Variants in EPB41 observed in about 807,000 individuals in gnomAD.
EPB41 encodes erythrocyte membrane protein band 4.1, also known as protein 4.1.
A neutral mutation model predicts 108.0 loss-of-function variants in EPB41; 65 were observed. That is an observed-to-expected ratio of 0.60 (90% confidence interval 0.49 to 0.74). The LOEUF (loss-of-function observed/expected upper bound fraction) is 0.74, where lower values mean the gene tolerates loss of function less well. Among genes scored for constraint, EPB41 ranks in the 30% least tolerant of loss-of-function variants. The pLI, the probability that EPB41 is intolerant of heterozygous loss-of-function variation, is 0.00. For synonymous variants in EPB41, 336 were observed against 358.9 expected (o/e 0.94, Z 0.72); for missense variants, 875 against 1,037.0 (o/e 0.84, Z 2.15).
At chr1:29,060,112 C>T (rs529551134) in intron 14 of EPB41, among the ~76,000 whole-genome samples, 2 of 152,128 alleles carry the variant, frequency 1.3e-5, no homozygotes, top group Admixed American at 1.3e-4. Context: ...TTAAGGTAAC[C>T]CTCAAACAGT....
At chr1:28,994,653 ATT>A (rs2096120490) in intron 3 of EPB41, among the ~76,000 whole-genome samples, 3 of 149,324 alleles carry the variant, frequency 2.0e-5, no homozygotes, top group Non-Finnish European at 3.0e-5. Context: ...TTATTTATTT[ATT>A]TATTTATTTA....
Position 28,941,468 on chromosome 1 carries a change from C to T in EPB41, c.-8+26700C>T, listed in dbSNP as rs78468243. 6.9e-3 allele frequency among the ~76,000 whole-genome samples: 1,047 copies of T among 152,144 alleles called. 8 individuals are homozygous for T. Among genetic ancestry groups the T allele is most frequent in the African/African-American group, 0.024 (980 of 41,516 alleles). On this transcript the variant is annotated intron_variant, in intron 1 of 20. Transcript: ENST00000343067. ...CAGGTTTTGTAAGATGAGTATCCTTCGGAAGAAGAAACGTTTACAGTGAAT... is the reference window on the plus strand; with the variant it reads ...CAGGTTTTGTAAGATGAGTATCCTTTGGAAGAAGAAACGTTTACAGTGAAT...
intron 1 of EPB41, among the ~76,000 whole-genome samples, chr1:28,923,394 A>G (rs1290821058): frequency 6.6e-6 from 1 of 152,036 alleles, no homozygotes; most frequent in Admixed American, 6.6e-5. Context: ...TGCGCTTGGC[A>G]ACCTTTTTAT....
chr1:29,047,701 A>T (rs1472338155), intron 11 of EPB41, among the ~76,000 whole-genome samples: 1 of 152,028 alleles, frequency 6.6e-6, no homozygotes, highest in Non-Finnish European at 1.5e-5. Context: ...TTTTGTTTCG[A>T]ATAGCCTTGG....
In EPB41 at chr1:29,096,018, A is replaced by G. The variant is rs866064667; in HGVS notation, c.2185-1789A>G. On this transcript the variant is annotated intron_variant, in intron 16 of 20. Transcript: ENST00000343067. ...TGAACAGCAGCTCTTCCTTTTGACC[A>G]TGTTATCAGCTAAGATTCTTAGTTT... is the stretch of plus-strand genomic sequence containing the variant. 30 of 404,608 alleles carry G rather than the reference A, an allele frequency of 7.4e-5. No individual in the cohort carries two copies. In the South Asian group the frequency reaches 2.5e-3, roughly 33 times the overall value. The allele number at this position is 404,608 out of a possible 1,614,324, so 25.1% of individuals were successfully genotyped here.
At chr1:29,051,070 C>A (rs1007383178) in intron 11 of EPB41, among the ~76,000 whole-genome samples, 41 of 97,994 alleles carry the variant, frequency 4.2e-4, no homozygotes, top group Non-Finnish European at 7.9e-4. Flanking sequence ...ATGAGCATTT[C>A]TTTCTTTTTC....
At chr1:29,056,152 T>A (rs1264517382) in intron 12 of EPB41, among the ~76,000 whole-genome samples, 1 of 149,992 alleles carries the variant, frequency 6.7e-6, no homozygotes, top group Non-Finnish European at 1.5e-5. Context: ...GAGAATGGCG[T>A]GAACCCGGGA....
intron 17 of EPB41, among the ~76,000 whole-genome samples, chr1:29,100,698 ATATT>A (rs1665025403): frequency 1.4e-5 from 2 of 146,882 alleles, no homozygotes; most frequent in East Asian, 2.0e-4. Flanking sequence ...ATTATAATAT[ATATT>A]TAATACAACA....
At chr1:29,061,127 A>C (rs1032077115) in intron 15 of EPB41, among the ~76,000 whole-genome samples, 1 of 152,194 alleles carries the variant, frequency 6.6e-6, no homozygotes, top group Non-Finnish European at 1.5e-5. Context: ...CTGGAAAGCC[A>C]AGATGTGAGT....
At chr1:28,930,606 C>T (rs912562655) in intron 1 of EPB41, among the ~76,000 whole-genome samples, 1 of 151,836 alleles carries the variant, frequency 6.6e-6, no homozygotes. Context: ...AGCCTCAGAC[C>T]CCCTAGTAGC....
At chr1:29,071,895 A>G (rs1651654669) in intron 16 of EPB41, 1 of 152,190 alleles carries the variant, frequency 6.6e-6, no homozygotes, top group African/African-American at 2.4e-5. Context: ...TTACTTCTCA[A>G]TGCTTTTCAG....
chr1:29,043,846 G>A (rs1008587888), intron 11 of EPB41, among the ~76,000 whole-genome samples: 2 of 152,232 alleles, frequency 1.3e-5, no homozygotes, highest in African/African-American at 4.8e-5. Context: ...GGACTTGAGT[G>A]TTGGCAACAA....
At chr1:28,939,643 A>G (rs143819360) in intron 1 of EPB41, among the ~76,000 whole-genome samples, 1 of 152,132 alleles carries the variant, frequency 6.6e-6, no homozygotes, top group East Asian at 1.9e-4. Context: ...GGGTTTCACC[A>G]TGTTGGCCAG....
intron 15 of EPB41, among the ~76,000 whole-genome samples, chr1:29,063,166 T>A (rs1367191265): frequency 6.6e-6 from 1 of 152,198 alleles, no homozygotes; most frequent in Non-Finnish European, 1.5e-5. Flanking sequence ...GCCTGGTGGG[T>A]CTGGTTGCTC....
intron 16 of EPB41, among the ~76,000 whole-genome samples, chr1:29,081,463 C>A (rs1161024960): frequency 1.3e-5 from 2 of 152,130 alleles, no homozygotes; most frequent in Non-Finnish European, 2.9e-5. Flanking sequence ...ATCACTTTAT[C>A]TCTTACTTCA....
chr1:29,109,870 C>T (rs1668567452), intron 18 of EPB41: 3 of 243,634 alleles, frequency 1.2e-5, no homozygotes, highest in Admixed American at 4.8e-5. Context: ...CCCGTCTCTA[C>T]TAAGAATACA....
chr1:28,902,432 A>C (rs192537531), intron 1 of EPB41: 1 of 964,654 alleles, frequency 1.0e-6, no homozygotes, highest in Admixed American at 6.2e-5. Flanking sequence ...TTTGTTTTTC[A>C]GCAGAAATCA....
At position 29,084,839 on chromosome 1, in the gene EPB41, C is replaced by A. The variant is rs139435316; in HGVS notation, c.2185-12968C>A. Among the ~76,000 whole-genome samples, 56 of 152,210 alleles carry A rather than the reference C, an allele frequency of 3.7e-4. No homozygotes were observed. In the East Asian group the frequency reaches 9.1e-3, roughly 25 times the overall value. On this transcript the variant is annotated intron_variant, in intron 16 of 20. Coordinates refer to ENST00000343067, the MANE Select transcript of EPB41 (RefSeq NM_001376013.1). ...TTAATTCTCCTGTCACAATTTCTTTCTTCAAAGTTGTGATGTTCTCTAAAA... is the reference window on the plus strand; with the variant it reads ...TTAATTCTCCTGTCACAATTTCTTTATTCAAAGTTGTGATGTTCTCTAAAA...
At chr1:28,942,199 T>C (rs2094315857) in intron 1 of EPB41, among the ~76,000 whole-genome samples, 1 of 152,180 alleles carries the variant, frequency 6.6e-6, no homozygotes, top group Non-Finnish European at 1.5e-5. Flanking sequence ...ACCAAGCAAT[T>C]CTCCAAAGGA....
Sources: allele counts gnomAD v4.1 joint callset (sites outside exome capture counted in the v4.1 genomes callset), GRCh38; gene constraint gnomAD v4.1.1; transcripts MANE v1.5; gene names NCBI Gene and HGNC (gene_info 2026-07-23, HGNC 2026-07-21).